The following RAPGEF6 variants were observed in gnomAD, a reference collection of about 807,000 sequenced individuals.
RAPGEF6 encodes the protein Rap guanine nucleotide exchange factor 6.
Under a neutral mutation model 171.4 loss-of-function variants are expected in RAPGEF6, and 56 were observed. The observed-to-expected ratio is 0.33, with a 90% confidence interval of 0.26 to 0.41. The LOEUF (loss-of-function observed/expected upper bound fraction) is 0.41. Among genes scored for constraint, RAPGEF6 ranks in the 10% least tolerant of loss-of-function variants. The pLI is 1.00. For synonymous variants in RAPGEF6, 692 were observed against 650.1 expected (o/e 1.06, Z -0.98); for missense variants, 1,674 against 1,921.4 (o/e 0.87, Z 2.41).
At chr5:131,604,160 ACATACC>A (rs1212644483) in intron 2 of RAPGEF6, among the ~76,000 whole-genome samples, 5 of 152,172 alleles carry the variant, frequency 3.3e-5, no homozygotes, top group Non-Finnish European at 7.4e-5. Context: ...CTATAATACA[ACATACC>A]ATACCCAGCT....
chr5:131,575,825 T>C (rs1263070535), intron 4 of RAPGEF6, among the ~76,000 whole-genome samples: 1 of 152,168 alleles, frequency 6.6e-6, no homozygotes, highest in African/African-American at 2.4e-5. Context: ...CCATGACCTG[T>C]AGTCTTCCTA....
At chr5:131,634,026 A>T (rs1387627195) in intron 1 of RAPGEF6, among the ~76,000 whole-genome samples, 1 of 152,244 alleles carries the variant, frequency 6.6e-6, no homozygotes, top group African/African-American at 2.4e-5. Flanking sequence ...TTGTGACCTG[A>T]ATAATTGTCA....
chr5:131,454,584 C>T (rs540271840), intron 20 of RAPGEF6, among the ~76,000 whole-genome samples: 3 of 151,992 alleles, frequency 2.0e-5, no homozygotes, highest in Admixed American at 1.3e-4. Flanking sequence ...AAAAAGGAAG[C>T]TGTAAAACAA....
chr5:131,554,252 A>C (rs1452117732), intron 5 of RAPGEF6, among the ~76,000 whole-genome samples: 1 of 152,234 alleles, frequency 6.6e-6, no homozygotes, highest in African/African-American at 2.4e-5. Context: ...CAGACAAAAA[A>C]GAAAAAATAC....
intron 22 of RAPGEF6, among the ~76,000 whole-genome samples, 164 bp downstream of exon 22, chr5:131,446,319 T>C (rs986766432): frequency 1.3e-5 from 2 of 152,268 alleles, no homozygotes; most frequent in African/African-American, 4.8e-5. Context: ...CAGGAATGGA[T>C]GGGATTCAGT....
chr5:131,580,235 T>C (rs1762865947), intron 4 of RAPGEF6, among the ~76,000 whole-genome samples: 1 of 152,136 alleles, frequency 6.6e-6, no homozygotes, highest in African/African-American at 2.4e-5. Context: ...AGGCCGGCAG[T>C]GCTGGGGGAA....
In RAPGEF6 at chr5:131,431,100, A is replaced by G; in HGVS notation, c.4224T>C (p.Ser1408=). The stretch of plus-strand genomic sequence containing the variant: ...AGCTTTTAGAACAGGAATAGGGCTC[A>G]GAGTCAGTGGGTTCAACTTCAGCAA... ...DPIAEVEPTD[S]EPYSCSKSCS... Residue 1408 remains serine (S), a synonymous_variant, in exon 26 of 28, where the codon TCT becomes TCC. Coordinates refer to ENST00000509018, the MANE Select transcript of RAPGEF6 (RefSeq NM_016340.6). 6.2e-7 allele frequency: 1 copy of G among 1,614,236 alleles called. No homozygotes were observed. Among genetic ancestry groups the G allele is most frequent in the Non-Finnish European group, 8.5e-7 (1 of 1,180,038 alleles).
At chr5:131,598,800 T>C (rs751063435) in intron 3 of RAPGEF6, among the ~76,000 whole-genome samples, 11 of 152,254 alleles carry the variant, frequency 7.2e-5, no homozygotes, top group Non-Finnish European at 1.3e-4. Context: ...CATTTCTCTC[T>C]GAATTGATTT....
intron 4 of RAPGEF6, among the ~76,000 whole-genome samples, chr5:131,577,270 T>A (rs1762661468): frequency 6.6e-6 from 1 of 152,124 alleles, no homozygotes; most frequent in Non-Finnish European, 1.5e-5. Flanking sequence ...CCCCCTACCA[T>A]CCTAAATCTT....
chr5:131,603,820 C>A (rs1174707805), intron 2 of RAPGEF6, among the ~76,000 whole-genome samples: 1 of 151,844 alleles, frequency 6.6e-6, no homozygotes, highest in East Asian at 1.9e-4. Flanking sequence ...TTATGTTATA[C>A]AGAAAATATA....
At chr5:131,528,321 A>ATG (rs1209763700) in intron 6 of RAPGEF6, among the ~76,000 whole-genome samples, 1 of 54,386 alleles carries the variant, frequency 1.8e-5, no homozygotes, top group African/African-American at 6.3e-5. Flanking sequence ...TATTATATAT[A>ATG]TATATATATA....
chr5:131,440,106 T>C (rs544269961), intron 23 of RAPGEF6: 1 of 406,784 alleles, frequency 2.5e-6, no homozygotes, highest in South Asian at 1.8e-5. Flanking sequence ...GGGCGACGCA[T>C]GTGGCAGGGG....
At chr5:131,543,096 C>T (rs10515455) in intron 6 of RAPGEF6, among the ~76,000 whole-genome samples, 96,151 of 151,936 alleles carry the variant, frequency 0.63, 32,364 homozygotes, top group Non-Finnish European at 0.77. Context: ...TACTTATATG[C>T]TAGATTACTG....
intron 4 of RAPGEF6, among the ~76,000 whole-genome samples, chr5:131,568,128 A>G (rs1309424599): frequency 6.6e-6 from 1 of 152,164 alleles, no homozygotes; most frequent in East Asian, 1.9e-4. Flanking sequence ...ACAGAACCTG[A>G]TAATCTCTTT....
intron 1 of RAPGEF6, among the ~76,000 whole-genome samples, chr5:131,629,961 A>G (rs1158206314): frequency 6.6e-6 from 1 of 152,226 alleles, no homozygotes; most frequent in African/African-American, 2.4e-5. Context: ...CAAAGAATTT[A>G]GAATACCACA....
At chr5:131,588,618 C>T (rs182832199) in intron 4 of RAPGEF6, among the ~76,000 whole-genome samples, 1 of 151,394 alleles carries the variant, frequency 6.6e-6, no homozygotes, top group Non-Finnish European at 1.5e-5. Context: ...TGGTGCACAC[C>T]TACAGTCCTA....
chr5:131,487,765 G>A (rs1756019182), intron 15 of RAPGEF6, among the ~76,000 whole-genome samples: 1 of 152,130 alleles, frequency 6.6e-6, no homozygotes. Context: ...CTGGTCACAG[G>A]TTTCCTTTTT....
At chr5:131,572,242 T>C (rs1762347824) in intron 4 of RAPGEF6, among the ~76,000 whole-genome samples, 1 of 152,058 alleles carries the variant, frequency 6.6e-6, no homozygotes, top group Non-Finnish European at 1.5e-5. Flanking sequence ...CGTGAGGAGA[T>C]CCACCTATGA....
At chr5:131,460,319 T>C (rs1753825087) in intron 19 of RAPGEF6, among the ~76,000 whole-genome samples, 2 of 152,152 alleles carry the variant, frequency 1.3e-5, no homozygotes. Context: ...CCTCCATCTC[T>C]TTGGCTAGAC....
Sources: gnomAD v4.1 joint callset for allele counts (sites outside exome capture counted in the v4.1 genomes callset) on GRCh38, gnomAD v4.1.1 for gene constraint, MANE v1.5 for transcripts, NCBI Gene and HGNC (gene_info 2026-07-23, HGNC 2026-07-21) for gene names.